Variants in TIAM1 observed in about 807,000 individuals in gnomAD.
TIAM1 encodes the protein rho guanine nucleotide exchange factor TIAM1.
TIAM1 carries 65 observed loss-of-function variants against 163.5 expected under a neutral mutation model. The ratio of observed to expected loss-of-function variants is 0.40; its 90% CI spans 0.33 to 0.49. The LOEUF is 0.49. Ranked by LOEUF, TIAM1 falls within the 20% of genes least tolerant of loss-of-function variation. The probability of loss-of-function intolerance (pLI) is 0.77; values close to 1 mark genes in which losing one functional copy is unlikely to be tolerated. For synonymous variants in TIAM1, 833 were observed against 810.1 expected, an observed-to-expected ratio of 1.03 and a Z score of -0.48; for missense variants, 1,789 against 2,044.7, an observed-to-expected ratio of 0.87 and a Z score of 2.41.
intron 2 of TIAM1, among the ~76,000 whole-genome samples, chr21:31,315,358 CA>C (rs1009913823): frequency 4.6e-5 from 7 of 151,872 alleles, no homozygotes; most frequent in Non-Finnish European, 8.8e-5. Flanking sequence ...ACTAAAAATA[CA>C]AAAAAATTAT....
At chr21:31,537,215 G>A (rs931746261) in intron 1 of TIAM1, among the ~76,000 whole-genome samples, 11 of 152,112 alleles carry the variant, frequency 7.2e-5, no homozygotes, top group East Asian at 1.9e-4. Flanking sequence ...GTCCAAAGGC[G>A]GCCACATTCT....
chr21:31,321,381 T>G (rs1456320443), intron 2 of TIAM1, among the ~76,000 whole-genome samples: 3 of 151,906 alleles, frequency 2.0e-5, no homozygotes, highest in African/African-American at 7.3e-5. Context: ...AGACGGAGTT[T>G]CGCTCTTGTT....
chr21:31,125,304 CT>C (rs2082153112), intron 26 of TIAM1, among the ~76,000 whole-genome samples: 2 of 151,492 alleles, frequency 1.3e-5, no homozygotes, highest in South Asian at 2.1e-4. Flanking sequence ...TAAGTTTTAC[CT>C]GGTATTCCCT....
At chr21:31,519,894 G>A (rs1219486273) in intron 1 of TIAM1, among the ~76,000 whole-genome samples, 1 of 152,084 alleles carries the variant, frequency 6.6e-6, no homozygotes, top group East Asian at 1.9e-4. Flanking sequence ...GGCCTGGAGG[G>A]AGGGTGGAAA....
At chr21:31,427,796 T>C (rs1267498870) in intron 2 of TIAM1, among the ~76,000 whole-genome samples, 1 of 152,110 alleles carries the variant, frequency 6.6e-6, no homozygotes, top group Non-Finnish European at 1.5e-5. Flanking sequence ...ATCACACCAG[T>C]GCACTCCAGC....
chr21:31,394,157 A>ATAT (rs2147201741), intron 2 of TIAM1, among the ~76,000 whole-genome samples: 1 of 152,336 alleles, frequency 6.6e-6, no homozygotes, highest in Admixed American at 6.5e-5. Context: ...ACACAAAGGA[A>ATAT]TATTATCCGG....
At chr21:31,303,901 C>T (rs976141128) in intron 2 of TIAM1, among the ~76,000 whole-genome samples, 39 of 152,090 alleles carry the variant, frequency 2.6e-4, no homozygotes, top group Admixed American at 2.4e-3. Context: ...TTGCTTGAAC[C>T]CTGGAGGCGG....
intron 14 of TIAM1, among the ~76,000 whole-genome samples, chr21:31,185,565 T>C (rs1205422643): frequency 7.0e-6 from 1 of 143,210 alleles, no homozygotes; most frequent in African/African-American, 2.6e-5. Context: ...ATTAATATAA[T>C]ATATTATATA....
chr21:31,158,962 C>T (rs1048413993), intron 16 of TIAM1, among the ~76,000 whole-genome samples: 9 of 152,040 alleles, frequency 5.9e-5, no homozygotes, highest in African/African-American at 1.7e-4. Flanking sequence ...CCACAAGTGC[C>T]AAGAAAGGTC....
intron 22 of TIAM1, among the ~76,000 whole-genome samples, chr21:31,136,911 A>G (rs1160033461): frequency 6.6e-6 from 1 of 152,248 alleles, no homozygotes; most frequent in East Asian, 1.9e-4. Context: ...AGAGAAGCCA[A>G]TAAAGAGTTT....
chr21:31,218,500 T>C (rs1418728616), intron 8 of TIAM1, among the ~76,000 whole-genome samples: 3 of 150,324 alleles, frequency 2.0e-5, no homozygotes, highest in Non-Finnish European at 3.0e-5. Flanking sequence ...ACCCAGGAGA[T>C]GGAGGTTGCA....
chr21:31,334,040 G>A (rs930522101), intron 2 of TIAM1, among the ~76,000 whole-genome samples: 1 of 152,202 alleles, frequency 6.6e-6, no homozygotes, highest in African/African-American at 2.4e-5. Flanking sequence ...ACTACGTAGA[G>A]GTGAAAATCG....
chr21:31,298,767 T>TGTGTGTGTGTGTGTGTGA (rs777256501), intron 2 of TIAM1, among the ~76,000 whole-genome samples: 1 of 125,858 alleles, frequency 7.9e-6, no homozygotes, highest in East Asian at 2.4e-4. Flanking sequence ...TGTGTGTGTG[T>TGTGTGTGTGTGTGTGTGA]GAGAAACAGA....
At chr21:31,543,421 A>G (rs1601043268) in intron 1 of TIAM1, among the ~76,000 whole-genome samples, 1 of 152,324 alleles carries the variant, frequency 6.6e-6, no homozygotes, top group African/African-American at 2.4e-5. Context: ...GCCGTGGGAG[A>G]TGAATGTGGC....
At chr21:31,315,901 T>TTGCA (rs1569208867) in intron 2 of TIAM1, among the ~76,000 whole-genome samples, 1 of 151,524 alleles carries the variant, frequency 6.6e-6, no homozygotes, top group Non-Finnish European at 1.5e-5. Flanking sequence ...CACTTGAACC[T>TTGCA]GGGAGGCGGA....
intron 2 of TIAM1, among the ~76,000 whole-genome samples, chr21:31,423,700 T>TAAAAAAAAAAAAAAAAA (rs200137644): frequency 2.1e-5 from 1 of 48,224 alleles, no homozygotes; most frequent in Non-Finnish European, 3.8e-5. Context: ...TAGAAAGTTG[T>TAAAAAAAAAAAAAAAAA]AAAAAAAAAA....
At chr21:31,191,271 C>G (rs1439814707) in intron 13 of TIAM1, among the ~76,000 whole-genome samples, 1 of 152,066 alleles carries the variant, frequency 6.6e-6, no homozygotes, top group Non-Finnish European at 1.5e-5. Context: ...AAGTGATTCT[C>G]CTGCCTCCCG....
rs182973529 is a variant in TIAM1, at chr21:31,351,591, G to A, written c.-368-12169C>T. ...TGGGAGGGAGGACGCAGTCAAACCC[G>A]GATGGCTGGAGGCAGTCTGACTCAC... On this transcript the variant is annotated intron_variant, in intron 2 of 28. Transcript: ENST00000286827. Among the ~76,000 whole-genome samples the A allele has an allele frequency of 1.6e-3, 243 of 152,222 alleles. 3 individuals are homozygous for A. Among genetic ancestry groups the A allele is most frequent in the Non-Finnish European group, 5.7e-4 (39 of 68,024 alleles).
At chr21:31,390,490 C>T (rs1236168771) in intron 2 of TIAM1, among the ~76,000 whole-genome samples, 1 of 152,078 alleles carries the variant, frequency 6.6e-6, no homozygotes, top group Non-Finnish European at 1.5e-5. Context: ...CATCAGCATC[C>T]CCCCGAAAGT....
Sources: allele counts gnomAD v4.1 joint callset (sites outside exome capture counted in the v4.1 genomes callset), GRCh38; gene constraint gnomAD v4.1.1; transcripts MANE v1.5; gene names NCBI Gene and HGNC (gene_info 2026-07-23, HGNC 2026-07-21).